Variants in VRK2 observed in about 807,000 individuals in gnomAD.
VRK2 encodes serine/threonine-protein kinase VRK2.
In VRK2, 60 loss-of-function variants were observed where a neutral mutation model predicts 57.6. That is an observed-to-expected ratio of 1.04 (90% CI 0.85 to 1.29). VRK2 has a LOEUF of 1.29. VRK2 is among the 50% of genes most tolerant of loss of function. The pLI, the probability that VRK2 is intolerant of heterozygous loss-of-function variation, is 0.00. For synonymous variants in VRK2, 231 were observed against 199.2 expected (o/e 1.16, Z -1.35); for missense variants, 705 against 588.1 (o/e 1.20, Z -2.06).
At chr2:57,940,797 C>T (rs931072729) in intron 1 of VRK2, among the ~76,000 whole-genome samples, 32 of 152,008 alleles carry the variant, frequency 2.1e-4, no homozygotes, top group African/African-American at 7.2e-4. Flanking sequence ...ACAAATAATG[C>T]TAACTAAACT....
At chr2:58,057,201 T>C (rs1375298493) in intron 2 of VRK2, among the ~76,000 whole-genome samples, 1 of 152,132 alleles carries the variant, frequency 6.6e-6, no homozygotes, top group Non-Finnish European at 1.5e-5. Flanking sequence ...CTAGAACTGT[T>C]CTATTATGAT....
intron 2 of VRK2, among the ~76,000 whole-genome samples, chr2:58,073,638 A>G (rs897247190): frequency 1.0e-5 from 1 of 98,532 alleles, no homozygotes; most frequent in Non-Finnish European, 2.0e-5. Flanking sequence ...TAATAGGATT[A>G]TATATATATA....
chr2:58,068,914 T>C (rs1669004085), intron 2 of VRK2, among the ~76,000 whole-genome samples: 1 of 152,144 alleles, frequency 6.6e-6, no homozygotes, highest in Non-Finnish European at 1.5e-5. Flanking sequence ...ATTTTTCTGT[T>C]TTTCCCTTTG....
intron 1 of VRK2, among the ~76,000 whole-genome samples, chr2:57,933,157 T>C (rs1431369215): frequency 2.0e-5 from 3 of 152,242 alleles, no homozygotes; most frequent in Non-Finnish European, 4.4e-5. Context: ...TGTGTTTGGA[T>C]GAAATGATCT....
At chr2:58,006,886 G>A (rs1032705096) in intron 1 of VRK2, among the ~76,000 whole-genome samples, 9 of 152,072 alleles carry the variant, frequency 5.9e-5, no homozygotes, top group African/African-American at 2.2e-4. Context: ...CATAGAAATG[G>A]AGAGTCATGA....
intron 2 of VRK2, among the ~76,000 whole-genome samples, chr2:58,031,578 A>G (rs1674111067): frequency 6.6e-6 from 1 of 152,110 alleles, no homozygotes; most frequent in African/African-American, 2.4e-5. Flanking sequence ...ACATCAGATC[A>G]TTACCACCAC....
intron 1 of VRK2, among the ~76,000 whole-genome samples, chr2:57,941,107 T>G (rs376657599): frequency 1.1e-4 from 17 of 152,162 alleles, no homozygotes; most frequent in African/African-American, 4.1e-4. Context: ...TAGAAAAACT[T>G]TAAACTCACT....
At chr2:58,078,769 T>G in intron 2 of VRK2, among the ~76,000 whole-genome samples, 1 of 152,156 alleles carries the variant, frequency 6.6e-6, no homozygotes, top group East Asian at 1.9e-4. Context: ...TTAGTGGTGT[T>G]GAGCATGTTT....
intron 2 of VRK2, among the ~76,000 whole-genome samples, chr2:58,031,884 T>C (rs1170799592): frequency 6.6e-6 from 1 of 152,042 alleles, no homozygotes. Flanking sequence ...ATTATAACAA[T>C]CCAAACAACT....
Position 58,139,804 on chromosome 2 carries a change from T to C in VRK2, c.995T>C (p.Ile332Thr). 3.7e-6 allele frequency: 6 copies of C among 1,612,684 alleles called. No homozygotes were observed. The highest frequency in any genetic ancestry group is 2.2e-5 in the East Asian group (1 of 44,768). ...GACTTTTCCACAAAAGGACAGAGTA[T>C]AAATGTCCATACTCCAAACAGTCAA... is the stretch of plus-strand genomic sequence containing the variant. ...PLDFSTKGQS[I>T]NVHTPNSQKV... The change falls in exon 11 of 13, where the codon ATA becomes ACA. Residue 332 changes from isoleucine to threonine, a missense_variant. Physicochemically the swap from Ile to Thr is moderately conservative, Grantham distance 89. Transcript: ENST00000340157.
intron 2 of VRK2, among the ~76,000 whole-genome samples, chr2:58,053,979 A>AT (rs1473816905): frequency 6.6e-6 from 1 of 152,168 alleles, no homozygotes; most frequent in Non-Finnish European, 1.5e-5. Context: ...CAGGGAAGGA[A>AT]TCACTTGGAG....
At chr2:58,056,049 TTTCC>T (rs1676469968) in intron 2 of VRK2, among the ~76,000 whole-genome samples, 1 of 152,130 alleles carries the variant, frequency 6.6e-6, no homozygotes, top group Admixed American at 6.6e-5. Context: ...AAACATCATA[TTTCC>T]TTCTGATTGT....
chr2:58,159,214 A>T, intron 12 of VRK2, 135 bp from the exon 13 acceptor site: 1 of 626,946 alleles, frequency 1.6e-6, no homozygotes, highest in Non-Finnish European at 2.7e-6. Flanking sequence ...CCTAAAAATT[A>T]CTTCTCAGGA....
chr2:58,063,248 T>G (rs13382369), intron 2 of VRK2, among the ~76,000 whole-genome samples: 9,722 of 151,640 alleles, frequency 0.064, 1,060 homozygotes, highest in African/African-American at 0.22. Context: ...TTTGTTTTTT[T>G]TTTTTTTTTA....
chr2:58,093,647 G>A (rs944222654), intron 7 of VRK2, among the ~76,000 whole-genome samples: 1 of 152,162 alleles, frequency 6.6e-6, no homozygotes, highest in Admixed American at 6.5e-5. Flanking sequence ...TTCTTTTGCT[G>A]TGCAGAAGCT....
At chr2:58,126,786 CAT>C (rs1441527638) in intron 8 of VRK2, among the ~76,000 whole-genome samples, 4 of 151,932 alleles carry the variant, frequency 2.6e-5, no homozygotes, top group African/African-American at 9.6e-5. Context: ...TAAACACTGA[CAT>C]ATTTTGGGCT....
intron 12 of VRK2, among the ~76,000 whole-genome samples, chr2:58,157,928 A>G (rs1296807050): frequency 6.6e-6 from 1 of 152,188 alleles, no homozygotes; most frequent in Non-Finnish European, 1.5e-5. Context: ...GCCAAGCCAA[A>G]TTTTGGCAAC....
chr2:58,106,874 C>G (rs1029333368), intron 7 of VRK2, among the ~76,000 whole-genome samples: 2 of 152,040 alleles, frequency 1.3e-5, no homozygotes, highest in African/African-American at 4.8e-5. Context: ...CTTTAAGGTT[C>G]TGTTACTTTG....
chr2:58,041,649 C>T (rs146427851), upstream of VRK2, among the ~76,000 whole-genome samples: 42 of 152,296 alleles, frequency 2.8e-4, 1 homozygote, highest in East Asian at 8.1e-3. Context: ...AATCTACATT[C>T]TGTAGAGAAT....
Sources: gnomAD v4.1 joint callset for allele counts (sites outside exome capture counted in the v4.1 genomes callset) on GRCh38, gnomAD v4.1.1 for gene constraint, MANE v1.5 for transcripts, NCBI Gene and HGNC (gene_info 2026-07-23, HGNC 2026-07-21) for gene names.